TRIM66: variants seen among roughly 807,000 people sequenced by gnomAD.
The protein encoded by TRIM66 is tripartite motif containing 66, also known as tripartite motif-containing protein 66.
Under a neutral mutation model 148.2 loss-of-function variants are expected in TRIM66, and 99 were observed. The ratio of observed to expected loss-of-function variants is 0.67; its 90% CI spans 0.57 to 0.79. TRIM66 has a LOEUF of 0.79. Ranked by LOEUF, TRIM66 falls within the 30% of genes least tolerant of loss-of-function variation. The probability of loss-of-function intolerance (pLI) is 0.00; values close to 1 mark genes in which losing one functional copy is unlikely to be tolerated. For missense variants in TRIM66, 1,666 were observed against 1,697.9 expected (o/e 0.98, Z 0.33); for synonymous variants, 616 against 635.9 (o/e 0.97, Z 0.47).
Position 8,672,088 on chromosome 11 carries a change from A to G in TRIM66, c.38T>C (p.Leu13Pro). The G allele has an allele frequency of 1.3e-6, 2 of 1,527,618 alleles. No homozygotes were observed. Among genetic ancestry groups the G allele is most frequent in the South Asian group, 1.2e-5 (1 of 83,670 alleles). 94.6% of individuals were successfully genotyped at this position (1,527,618 alleles called of 1,614,324 possible). ...TGAGAAGCAGCGTGTAGAGCGAGCC[A>G]GCTCCACTCCCTGTAAGTGAAGCAC... is the stretch of plus-strand genomic sequence containing the variant. ...RLSFWSQGVE[L>P]ARSTRCFSPE... The change falls in exon 6 of 25, where the codon CTG becomes CCG. Residue 13 changes from leucine (L) to proline (P), a missense_variant. By Grantham distance (98) the Leu-to-Pro change is moderately conservative. Around this residue, in one of 3 missense-constraint regions of TRIM66, gnomAD observed 1,431 missense variants for 1,412.4 expected, o/e 1.01. Transcript: ENST00000646038.
intron 18 of TRIM66, among the ~76,000 whole-genome samples, chr11:8,622,243 AC>A (rs1019554745): frequency 6.7e-6 from 1 of 149,166 alleles, no homozygotes; most frequent in Non-Finnish European, 1.5e-5. Context: ...CTATTGTGGG[AC>A]CCTGTGATCA....
At chr11:8,652,008 C>T (rs1202530089) in intron 6 of TRIM66, 105 bp from the exon 7 acceptor site, 4 of 835,820 alleles carry the variant, frequency 4.8e-6, no homozygotes, top group Non-Finnish European at 5.5e-6. Flanking sequence ...CATGGCAATA[C>T]CCATGTGTGC....
chr11:8,643,440 C>T (rs1003967411), intron 12 of TRIM66, among the ~76,000 whole-genome samples: 4 of 151,532 alleles, frequency 2.6e-5, no homozygotes, highest in Non-Finnish European at 5.9e-5. Context: ...CCCAGGTTCA[C>T]GCCATTCTCC....
intron 6 of TRIM66, among the ~76,000 whole-genome samples, chr11:8,669,158 T>G (rs2038778871): frequency 6.6e-6 from 1 of 152,124 alleles, no homozygotes. Context: ...CCAATATCAT[T>G]TGGTCCAAAG....
At chr11:8,624,251 C>T (rs530036761) in intron 17 of TRIM66, 108 bp downstream of exon 17, 4 of 1,277,688 alleles carry the variant, frequency 3.1e-6, no homozygotes, top group African/African-American at 3.1e-5. Context: ...GAGAGATGCA[C>T]TGCTTCCCCA....
intron 6 of TRIM66, among the ~76,000 whole-genome samples, chr11:8,669,895 G>A (rs1420143643): frequency 6.6e-6 from 1 of 152,036 alleles, no homozygotes; most frequent in Non-Finnish European, 1.5e-5. Flanking sequence ...TACATATTTA[G>A]GTTTGTTATA....
intron 15 of TRIM66, among the ~76,000 whole-genome samples, chr11:8,637,186 GTTGA>G (rs1436710715): frequency 6.6e-6 from 1 of 152,122 alleles, no homozygotes; most frequent in African/African-American, 2.4e-5. Flanking sequence ...ATTTATTATT[GTTGA>G]TTAACTGTCT....
chr11:8,648,382 C>A, intron 9 of TRIM66, 34 bp downstream of exon 9: 1 of 1,548,766 alleles, frequency 6.5e-7, no homozygotes, highest in Non-Finnish European at 8.7e-7. Context: ...CCAGAGCCCT[C>A]CCCAGCCCAT....
chr11:8,671,900 G>A lies in TRIM66; in HGVS notation c.226C>T (p.Pro76Ser). The change falls in exon 6 of 25, where the codon CCA becomes TCA. Residue 76 changes from proline to serine, a missense_variant. Pro to Ser is a moderately conservative substitution (Grantham distance 74). Transcript: ENST00000646038. ...GATAGGAGATGAGAGCCCATACCTG[G>A]CAGGTCCTGATGGCACAATGAGCAG... ...MTCSLCHQDL[P>S]GMGSHLLSCQ... The A allele has an allele frequency of 6.5e-7, 1 of 1,536,122 alleles. No individual in the cohort carries two copies. Among genetic ancestry groups the A allele is most frequent in the Non-Finnish European group, 8.7e-7 (1 of 1,146,912 alleles).
intron 6 of TRIM66, among the ~76,000 whole-genome samples, chr11:8,656,729 C>G (rs182329689): frequency 2.3e-3 from 345 of 152,358 alleles, no homozygotes; most frequent in African/African-American, 7.8e-3. Flanking sequence ...AGAGCATCCC[C>G]TTCCCCTGTG....
intron 16 of TRIM66, 65 bp from the exon 17 acceptor site, chr11:8,624,616 G>C: frequency 1.3e-6 from 2 of 1,485,930 alleles, no homozygotes; most frequent in Non-Finnish European, 1.8e-6. Flanking sequence ...AGTGGTCTCA[G>C]AACTGTTAAG....
chr11:8,638,894 G>T, intron 14 of TRIM66, 79 bp from the exon 15 acceptor site: 1 of 1,435,066 alleles, frequency 7.0e-7, no homozygotes, highest in Non-Finnish European at 9.3e-7. Flanking sequence ...AAAGGCTAGT[G>T]CTCACCCTGC....
chr11:8,670,686 T>C (rs2038883231), intron 6 of TRIM66, among the ~76,000 whole-genome samples: 1 of 152,346 alleles, frequency 6.6e-6, no homozygotes, highest in East Asian at 1.9e-4. Flanking sequence ...TTAAAATTTA[T>C]GCCACTTATA....
chr11:8,654,926 T>C (rs1307422110), intron 6 of TRIM66, among the ~76,000 whole-genome samples: 1 of 152,124 alleles, frequency 6.6e-6, no homozygotes, highest in East Asian at 1.9e-4. Flanking sequence ...AGCGGCACAA[T>C]CTCGGCTCAC....
In TRIM66 at chr11:8,648,566, G is replaced by C; in HGVS notation, c.593-18C>G. 6.4e-7 allele frequency: 1 copy of C among 1,551,422 alleles called. No individual in the cohort carries two copies. Reference sequence around the variant, plus strand: ...ATTCACTCCTGCCAGAGAAGACAGAGAAAGTGAGCTTCTCTTGCTCAGGTA... The same window carrying C: ...ATTCACTCCTGCCAGAGAAGACAGACAAAGTGAGCTTCTCTTGCTCAGGTA... On this transcript the variant is annotated intron_variant, in intron 8 of 24. Transcript: ENST00000646038.
rs1262944616 is a variant in TRIM66, at chr11:8,682,521, C to T, written c.-548+80G>A. On this transcript the variant is annotated intron_variant, in intron 1 of 24. Transcript: ENST00000646038. ...GAAAAGGGCCTGGCTCAAGCAAGCACGGGCGGCGTGCAGTACAGCACACCT... is the reference window on the plus strand; with the variant it reads ...GAAAAGGGCCTGGCTCAAGCAAGCATGGGCGGCGTGCAGTACAGCACACCT... 6 of 507,688 alleles carry T rather than the reference C, an allele frequency of 1.2e-5. No homozygotes were observed. In the Admixed American group the frequency reaches 2.3e-4, roughly 20 times the overall value. The allele number at this position is 507,688 out of a possible 1,614,324, so 31.4% of individuals were successfully genotyped here.
chr11:8,658,182 T>A (rs1252510015), intron 6 of TRIM66, among the ~76,000 whole-genome samples: 1 of 152,236 alleles, frequency 6.6e-6, no homozygotes, highest in South Asian at 2.1e-4. Context: ...AAGAGCTTGG[T>A]TGACTCCTCC....
At chr11:8,623,921 T>A (rs556273283) in intron 17 of TRIM66, among the ~76,000 whole-genome samples, 3 of 152,348 alleles carry the variant, frequency 2.0e-5, no homozygotes, top group East Asian at 3.9e-4. Context: ...TGGCCCCATT[T>A]AGAGAGAAAG....
intron 15 of TRIM66, among the ~76,000 whole-genome samples, chr11:8,627,754 T>C (rs1440875967): frequency 2.0e-5 from 3 of 152,226 alleles, no homozygotes; most frequent in Non-Finnish European, 4.4e-5. Flanking sequence ...GTATAGACCT[T>C]GCTAAAGTCA....
Sources: allele counts gnomAD v4.1 joint callset (sites outside exome capture counted in the v4.1 genomes callset), GRCh38; gene constraint gnomAD v4.1.1; regional missense constraint gnomAD v4.1.1; transcripts MANE v1.5; gene names NCBI Gene and HGNC (gene_info 2026-07-23, HGNC 2026-07-21).